N4BP2L1: variants seen among roughly 807,000 people sequenced by gnomAD.
The protein encoded by N4BP2L1 is NEDD4 binding protein 2 like 1, also known as NEDD4-binding protein 2-like 1.
In N4BP2L1, 12 loss-of-function variants were observed where a neutral mutation model predicts 21.2. The observed-to-expected ratio is 0.57, with a 90% CI of 0.36 to 0.92. The LOEUF is 0.92. N4BP2L1 is among the 40% of genes least tolerant of loss of function. N4BP2L1 has a pLI of 0.01. For missense variants in N4BP2L1, 259 were observed against 310.6 expected (o/e 0.83, Z 1.25); for synonymous variants, 104 against 112.8 (o/e 0.92, Z 0.49).
upstream of N4BP2L1, chr13:32,428,133 G>C (rs1481477850): frequency 7.1e-7 from 1 of 1,400,588 alleles, no homozygotes; most frequent in Non-Finnish European, 9.3e-7. Context: ...CTGAAGTCAC[G>C]GTCTTGGCCA....
rs2074475796 is a variant in N4BP2L1, at chr13:32,421,508, G to A, written c.179+6396C>T. 3.9e-5 allele frequency among the ~76,000 whole-genome samples: 6 copies of A among 152,120 alleles called. No homozygotes were observed. The South Asian group carries it at 1.2e-3, about 32-fold the overall frequency. ...CCCTAGTAATATAAGATCACTTGGT[G>A]TATTATGAAATCCCCTGAGTCTCTC... On this transcript the variant is annotated intron_variant, in intron 1 of 4. Coordinates refer to ENST00000380130, the MANE Select transcript of N4BP2L1 (RefSeq NM_052818.3).
chr13:32,404,885 A>G (rs2137731023), intron 3 of N4BP2L1, among the ~76,000 whole-genome samples: 1 of 152,158 alleles, frequency 6.6e-6, no homozygotes, highest in South Asian at 2.1e-4. Context: ...AGCTCTCCCC[A>G]TTATGCAATA....
At chr13:32,418,063 C>G (rs1401797054) in intron 1 of N4BP2L1, among the ~76,000 whole-genome samples, 3 of 152,174 alleles carry the variant, frequency 2.0e-5, no homozygotes, top group Admixed American at 1.3e-4. Flanking sequence ...GCCTAAGTAA[C>G]GAGGAGCCAA....
At chr13:32,403,934 C>G (rs1224581815) in intron 4 of N4BP2L1, among the ~76,000 whole-genome samples, 1 of 152,196 alleles carries the variant, frequency 6.6e-6, no homozygotes, top group Non-Finnish European at 1.5e-5. Flanking sequence ...TTAGAAGCAG[C>G]ATCTAGATCA....
chr13:32,416,663 G>C (rs1353933185), intron 1 of N4BP2L1: 1 of 152,178 alleles, frequency 6.6e-6, no homozygotes, highest in Non-Finnish European at 1.5e-5. Flanking sequence ...CATGAAGGCA[G>C]GGATTTTTGT....
chr13:32,403,027 G>C lies in N4BP2L1; in HGVS notation c.647C>G (p.Thr216Arg). Residue 216 changes from threonine to arginine, a missense_variant, in exon 5 of 5, where the codon ACA (threonine) becomes AGA (arginine). Transcript: ENST00000380130. ...SNNARYWNSY[T>R]EFPNRRAHGG... ...GTGGGCCCTCCGGTTTGGAAACTCTGTGTAGGAATTCCAGTATCTGGCATT... is the reference window on the plus strand; with the variant it reads ...GTGGGCCCTCCGGTTTGGAAACTCTCTGTAGGAATTCCAGTATCTGGCATT... The C allele has an allele frequency of 6.2e-7, 1 of 1,614,150 alleles. No individual in the cohort carries two copies. The highest frequency in any genetic ancestry group is 1.3e-5 in the African/African-American group (1 of 75,034).
chr13:32,424,066 G>A (rs2074632062), intron 1 of N4BP2L1, among the ~76,000 whole-genome samples: 1 of 152,212 alleles, frequency 6.6e-6, no homozygotes, highest in Non-Finnish European at 1.5e-5. Flanking sequence ...GAAAGAGAGA[G>A]TTCTGGCTCA....
At chr13:32,409,915 A>G (rs1162068751) in intron 1 of N4BP2L1, among the ~76,000 whole-genome samples, 1 of 152,198 alleles carries the variant, frequency 6.6e-6, no homozygotes, top group Non-Finnish European at 1.5e-5. Flanking sequence ...CTGCCACACA[A>G]TTTAAAGAGA....
rs2073151452 is a variant in N4BP2L1, at chr13:32,401,905, T to C, written c.*1037A>G. The C allele has an allele frequency of 3.0e-6, 3 of 985,302 alleles. No homozygotes were observed. Among genetic ancestry groups the C allele is most frequent in the Non-Finnish European group, 3.6e-6 (3 of 829,436 alleles). The allele number at this position is 985,302 out of a possible 1,614,324, so 61.0% of individuals were successfully genotyped here. On this transcript the variant is annotated 3_prime_UTR_variant, in exon 5 of 5. Transcript: ENST00000380130. ...TCACATTAAATCTGATTCCAACCTG[T>C]TGGAAATTAATTTGGATTCATAAAT... is the stretch of plus-strand genomic sequence containing the variant.
chr13:32,428,347 G>T, upstream of N4BP2L1: 1 of 324,358 alleles, frequency 3.1e-6, no homozygotes, highest in Non-Finnish European at 5.6e-6. Context: ...TCCGCCTCCT[G>T]GTGCCCTTTG....
At chr13:32,419,189 G>A (rs1203735405) in intron 1 of N4BP2L1, among the ~76,000 whole-genome samples, 2 of 150,596 alleles carry the variant, frequency 1.3e-5, no homozygotes, top group Non-Finnish European at 3.0e-5. Context: ...AATCATGGGA[G>A]CAGTTACCCT....
chr13:32,411,035 A>G (rs1361897456), intron 1 of N4BP2L1, among the ~76,000 whole-genome samples: 1 of 152,178 alleles, frequency 6.6e-6, no homozygotes, highest in African/African-American at 2.4e-5. Context: ...GGAAGTTAAT[A>G]CTTTATAATA....
chr13:32,424,718 C>T (rs971718801), intron 1 of N4BP2L1, among the ~76,000 whole-genome samples: 3 of 152,102 alleles, frequency 2.0e-5, no homozygotes, highest in Admixed American at 6.5e-5. Context: ...AAATGAAACA[C>T]GGGTGATAAA....
chr13:32,403,220 A>G lies in N4BP2L1; in HGVS notation c.474-20T>C, dbSNP rs768497089. Reference sequence around the variant, plus strand: ...TTTCTTCTACATGGAAAAAAAATGCATTTAGTTAAGGCAGGATACCACAAT... The same window carrying G: ...TTTCTTCTACATGGAAAAAAAATGCGTTTAGTTAAGGCAGGATACCACAAT... On this transcript the variant is annotated intron_variant, in intron 4 of 4. Coordinates refer to ENST00000380130, the MANE Select transcript of N4BP2L1 (RefSeq NM_052818.3). The G allele has an allele frequency of 1.6e-5, 25 of 1,574,220 alleles. No homozygotes were observed. The highest frequency in any genetic ancestry group is 1.8e-5 in the Admixed American group (1 of 54,690).
At position 32,402,756 on chromosome 13, in the gene N4BP2L1, A is replaced by C; in HGVS notation, c.*186T>G. The C allele has an allele frequency of 7.2e-7, 1 of 1,380,650 alleles. No homozygotes were observed. 85.5% of individuals were successfully genotyped at this position (1,380,650 alleles called of 1,614,324 possible). A position where few individuals can be genotyped will look rare whatever the true frequency, so the allele number is the denominator to read the frequency against. On this transcript the variant is annotated 3_prime_UTR_variant, in exon 5 of 5. Transcript: ENST00000380130. ...AAATCTGCAGAATTCCCAGCATCAG[A>C]CCATGCATATAGAAGCACTTTAACA...
At chr13:32,422,327 C>T (rs1453693679) in intron 1 of N4BP2L1, among the ~76,000 whole-genome samples, 1 of 150,252 alleles carries the variant, frequency 6.7e-6, no homozygotes, top group Admixed American at 6.7e-5. Flanking sequence ...ACCCCCTTTC[C>T]GGCCTCTTCT....
At chr13:32,409,206 T>G (rs191560620) in intron 1 of N4BP2L1, among the ~76,000 whole-genome samples, 2 of 152,324 alleles carry the variant, frequency 1.3e-5, no homozygotes, top group African/African-American at 4.8e-5. Flanking sequence ...AGTAAAATGC[T>G]TCCATTTTCA....
intron 1 of N4BP2L1, chr13:32,416,827 C>G (rs1342264177): frequency 6.6e-6 from 1 of 152,076 alleles, no homozygotes; most frequent in Non-Finnish European, 1.5e-5. Context: ...CCCCGCCCCA[C>G]CCCCCTCCAG....
intron 1 of N4BP2L1, among the ~76,000 whole-genome samples, chr13:32,408,388 G>A (rs1344027928): frequency 1.3e-5 from 2 of 152,160 alleles, no homozygotes; most frequent in Admixed American, 6.5e-5. Flanking sequence ...ACAGGAGAAG[G>A]AAAGCGACAG....
Sources: gnomAD v4.1 joint callset for allele counts (sites outside exome capture counted in the v4.1 genomes callset) on GRCh38, gnomAD v4.1.1 for gene constraint, MANE v1.5 for transcripts, NCBI Gene and HGNC (gene_info 2026-07-23, HGNC 2026-07-21) for gene names.